SOCS6: variants seen among roughly 807,000 people sequenced by gnomAD.
The protein encoded by SOCS6 is suppressor of cytokine signaling 6.
Under a neutral mutation model 27.7 loss-of-function variants are expected in SOCS6, and 5 were observed. That is an observed-to-expected ratio of 0.18 (90% confidence interval 0.09 to 0.38). SOCS6 has a LOEUF of 0.38. Among genes scored for constraint, SOCS6 ranks in the 10% least tolerant of loss-of-function variants. The pLI is 1.00. For synonymous variants in SOCS6, 271 were observed against 260.0 expected (o/e 1.04, Z -0.41); for missense variants, 595 against 688.1 (o/e 0.86, Z 1.51).
At chr18:70,292,372 C>T (rs748372176) in intron 1 of SOCS6, among the ~76,000 whole-genome samples, 4 of 152,220 alleles carry the variant, frequency 2.6e-5, no homozygotes, top group Admixed American at 6.5e-5. Context: ...GGGGATCTCG[C>T]TCTGGTTGCC....
chr18:70,311,244 G>A (rs528958470), intron 1 of SOCS6, among the ~76,000 whole-genome samples: 53 of 152,240 alleles, frequency 3.5e-4, no homozygotes, highest in African/African-American at 1.2e-3. Context: ...TTTCATCCTT[G>A]TGTTTTTGCT....
intron 1 of SOCS6, among the ~76,000 whole-genome samples, chr18:70,311,046 A>G (rs2062388847): frequency 6.6e-6 from 1 of 152,084 alleles, no homozygotes; most frequent in Non-Finnish European, 1.5e-5. Flanking sequence ...TTGGAGCAGC[A>G]GCAGAAGTAG....
At chr18:70,324,191 A>G (rs933113730) in intron 1 of SOCS6, among the ~76,000 whole-genome samples, 3 of 151,922 alleles carry the variant, frequency 2.0e-5, no homozygotes, top group Non-Finnish European at 4.4e-5. Flanking sequence ...AGTCCCAGCT[A>G]CTTGGGAGGC....
At chr18:70,324,371 C>T (rs1248500243) in intron 1 of SOCS6, among the ~76,000 whole-genome samples, 172 bp from the exon 2 acceptor site, 1 of 150,926 alleles carries the variant, frequency 6.6e-6, no homozygotes, top group East Asian at 1.9e-4. Context: ...GTGTAGTAGG[C>T]AGTGATCTGC....
chr18:70,289,334 C>T (rs2062287533), intron 1 of SOCS6, among the ~76,000 whole-genome samples: 1 of 148,728 alleles, frequency 6.7e-6, no homozygotes, highest in Non-Finnish European at 1.5e-5. Context: ...GGGGCCGGGG[C>T]CAGTCCCGGG....
At chr18:70,289,807 C>G (rs978307917) in intron 1 of SOCS6, among the ~76,000 whole-genome samples, 1 of 152,170 alleles carries the variant, frequency 6.6e-6, no homozygotes, top group Non-Finnish European at 1.5e-5. Context: ...GGAATTTAAA[C>G]CGCTCCTGGG....
chr18:70,324,875 A>G lies in SOCS6; in HGVS notation c.207A>G (p.Lys69=). 6.2e-7 allele frequency: 1 copy of G among 1,614,142 alleles called. No individual in the cohort carries two copies. The highest frequency in any genetic ancestry group is 2.2e-5 in the East Asian group (1 of 44,878). ...EDEKGGKNRS[K]SESLMGTLKR... is the part of the protein sequence containing the mutation. Reference sequence around the variant, plus strand: ...AAAAAGGCGGAAAAAACAGATCAAAAAGCGAGAGCCTGATGGGTACGCTAA... The same window carrying G: ...AAAAAGGCGGAAAAAACAGATCAAAGAGCGAGAGCCTGATGGGTACGCTAA... Residue 69 remains lysine (K), a synonymous_variant, in exon 2 of 2, where the codon AAA becomes AAG. Coordinates refer to ENST00000397942, the MANE Select transcript of SOCS6 (RefSeq NM_004232.4).
rs1288607407 is a variant in SOCS6, at chr18:70,328,724, G to A, written c.*2448G>A. ...ATTTACAAGCAGAAAGATGTTTTGC[G>A]ATATTTTCTACTTTTGTGTAGAAAG... On this transcript the variant is annotated 3_prime_UTR_variant, in exon 2 of 2. Transcript: ENST00000397942. 6.0e-6 allele frequency: 1 copy of A among 166,818 alleles called. No homozygotes were observed. Among genetic ancestry groups the A allele is most frequent in the Non-Finnish European group, 1.5e-5 (1 of 68,100 alleles). 10.3% of individuals were successfully genotyped at this position (166,818 alleles called of 1,614,324 possible).
chr18:70,327,499 C>T lies in SOCS6; in HGVS notation c.*1223C>T, dbSNP rs1181472197. ...AAACCATATTAGATAATGTGGAAGT[C>T]ATATTGTCTATCATATATACTGCCA... is the stretch of plus-strand genomic sequence containing the variant. On this transcript the variant is annotated 3_prime_UTR_variant, in exon 2 of 2. Transcript: ENST00000397942. The T allele has an allele frequency of 6.0e-6, 1 of 166,448 alleles. No homozygotes were observed. Among genetic ancestry groups the T allele is most frequent in the Non-Finnish European group, 1.5e-5 (1 of 68,062 alleles). The allele number at this position is 166,448 out of a possible 1,614,324, so 10.3% of individuals were successfully genotyped here. A position where few individuals can be genotyped will look rare whatever the true frequency, so the allele number is the denominator to read the frequency against.
chr18:70,298,863 A>G (rs1169120404), intron 1 of SOCS6, among the ~76,000 whole-genome samples: 3 of 152,144 alleles, frequency 2.0e-5, no homozygotes, highest in Non-Finnish European at 4.4e-5. Context: ...GGTGGCTCAC[A>G]CCTGTAATCC....
rs41446651 is a variant in SOCS6, at chr18:70,301,680, G to C, written c.-127+12590G>C. The stretch of plus-strand genomic sequence containing the variant: ...ATTTGGGAGTGTAGGGCACATCGAT[G>C]CTATGCAGTGTCATGAGCATGAGTG... On this transcript the variant is annotated intron_variant, in intron 1 of 1. Coordinates refer to ENST00000397942, the MANE Select transcript of SOCS6 (RefSeq NM_004232.4). Among the ~76,000 whole-genome samples the C allele has an allele frequency of 4.3e-3, 655 of 152,142 alleles. 9 individuals carry two copies. The highest frequency in any genetic ancestry group is 0.015 in the African/African-American group (624 of 41,532).
At chr18:70,315,878 G>A (rs1383197949) in intron 1 of SOCS6, among the ~76,000 whole-genome samples, 1 of 151,902 alleles carries the variant, frequency 6.6e-6, no homozygotes, top group African/African-American at 2.4e-5. Context: ...TTGTTTTTGT[G>A]GTTTTTTTTG....
chr18:70,321,101 C>T (rs1327978261), intron 1 of SOCS6, among the ~76,000 whole-genome samples: 3 of 151,784 alleles, frequency 2.0e-5, no homozygotes, highest in African/African-American at 7.3e-5. Context: ...ACATAGACCT[C>T]ATCTCTACAA....
chr18:70,311,276 A>C (rs1423344124), intron 1 of SOCS6, among the ~76,000 whole-genome samples: 4 of 152,314 alleles, frequency 2.6e-5, no homozygotes, highest in African/African-American at 9.6e-5. Context: ...AGGGAAGCAA[A>C]AGGCTGAAAT....
At chr18:70,309,493 TTTAA>T (rs1457769042) in intron 1 of SOCS6, among the ~76,000 whole-genome samples, 36 of 152,360 alleles carry the variant, frequency 2.4e-4, no homozygotes, top group African/African-American at 8.7e-4. Flanking sequence ...GGTGTGCCAA[TTTAA>T]TTCCTCTCTT....
intron 1 of SOCS6, among the ~76,000 whole-genome samples, chr18:70,301,973 T>C (rs1424739788): frequency 6.6e-6 from 1 of 152,100 alleles, no homozygotes; most frequent in Admixed American, 6.5e-5. Context: ...TCAGAGAAGA[T>C]TGGAGAGGAA....
At chr18:70,320,603 A>G (rs970870424) in intron 1 of SOCS6, among the ~76,000 whole-genome samples, 2 of 152,186 alleles carry the variant, frequency 1.3e-5, no homozygotes, top group African/African-American at 4.8e-5. Flanking sequence ...TTTTATTACA[A>G]TATTTTGCTA....
chr18:70,307,680 T>C (rs911407201), intron 1 of SOCS6, among the ~76,000 whole-genome samples: 4 of 152,196 alleles, frequency 2.6e-5, no homozygotes, highest in Non-Finnish European at 5.9e-5. Flanking sequence ...TCCATAGGCT[T>C]GATAGTGATA....
In SOCS6 at chr18:70,324,302, A is replaced by AAATAATAATAATAATAATAATAAT. The variant is rs560395562; in HGVS notation, c.-126-218_-126-217insTAATAATAATAATAATAATAATAA. Among the ~76,000 whole-genome samples, 1,486 of 150,256 alleles carry AAATAATAATAATAATAATAATAAT rather than the reference A, an allele frequency of 9.9e-3. 34 individuals are homozygous for AAATAATAATAATAATAATAATAAT. The highest frequency in any genetic ancestry group is 0.035 in the African/African-American group (1,412 of 40,074). ...GGGCGAAAGAGTGAGACTCATCTCA[A>AAATAATAATAATAATAATAATAAT]AATAATAATAATAATAATAATAAAG... On this transcript the variant is annotated intron_variant, in intron 1 of 1. Transcript: ENST00000397942.
Sources: gnomAD v4.1 joint callset for allele counts (sites outside exome capture counted in the v4.1 genomes callset) on GRCh38, gnomAD v4.1.1 for gene constraint, MANE v1.5 for transcripts, NCBI Gene and HGNC (gene_info 2026-07-23, HGNC 2026-07-21) for gene names.